COL21A1: variants seen among roughly 807,000 people sequenced by gnomAD.
COL21A1 encodes the protein collagen type XXI alpha 1 chain.
Under a neutral mutation model 137.9 loss-of-function variants are expected in COL21A1, and 149 were observed. That is an observed-to-expected ratio of 1.08 (90% confidence interval 0.95 to 1.24). The LOEUF (loss-of-function observed/expected upper bound fraction) is 1.24. Among genes scored for constraint, COL21A1 ranks in the 50% most tolerant of loss-of-function variants. The pLI, the probability that COL21A1 is intolerant of heterozygous loss-of-function variation, is 0.00. For missense variants in COL21A1, 1,167 were observed against 1,158.4 expected (o/e 1.01, Z -0.11); for synonymous variants, 456 against 391.5 (o/e 1.16, Z -1.95).
intron 3 of COL21A1, 89 bp downstream of exon 3, chr6:56,179,489 C>T (rs1582571898): frequency 1.2e-6 from 1 of 839,288 alleles, no homozygotes; most frequent in Non-Finnish European, 1.8e-6. Context: ...TAACAATTTA[C>T]ACCAGTGTTA....
Position 56,075,544 on chromosome 6 carries a change from A to T in COL21A1, c.1858-12T>A, listed in dbSNP as rs2114121200. The T allele has an allele frequency of 6.8e-7, 1 of 1,475,914 alleles. No individual in the cohort carries two copies. The highest frequency in any genetic ancestry group is 2.5e-5 in the Admixed American group (1 of 40,320). 91.4% of individuals were successfully genotyped at this position (1,475,914 alleles called of 1,614,324 possible). On this transcript the variant is annotated splice_polypyrimidine_tract_variant and intron_variant, in intron 18 of 29. Coordinates refer to ENST00000244728, the MANE Select transcript of COL21A1 (RefSeq NM_030820.4). ...GGCCCAATTTCTCCCTAAAAAAATC[A>T]AACATTAAAAACATTATAAATTGTA...
At chr6:56,155,076 C>T (rs372810051) in intron 10 of COL21A1, among the ~76,000 whole-genome samples, 47 of 152,280 alleles carry the variant, frequency 3.1e-4, no homozygotes, top group African/African-American at 1.1e-3. Context: ...TCCCACCTTC[C>T]ACCTTCCAAT....
intron 17 of COL21A1, among the ~76,000 whole-genome samples, chr6:56,098,914 AC>A (rs1480919342): frequency 6.0e-5 from 9 of 149,608 alleles, no homozygotes; most frequent in Non-Finnish European, 1.3e-4. Flanking sequence ...ACGGGGTTTC[AC>A]CGTGTTAGCC....
intron 10 of COL21A1, among the ~76,000 whole-genome samples, chr6:56,153,881 CTATT>C: frequency 6.6e-6 from 1 of 152,258 alleles, no homozygotes; most frequent in African/African-American, 2.4e-5. Flanking sequence ...CTTCTCTTCT[CTATT>C]TATTTGTATT....
At chr6:56,232,679 G>C (rs1011991454) in intron 1 of COL21A1, among the ~76,000 whole-genome samples, 7 of 151,932 alleles carry the variant, frequency 4.6e-5, no homozygotes, top group Non-Finnish European at 7.4e-5. Context: ...TAGAATTACA[G>C]TATGTCAGAC....
chr6:56,097,393 T>G (rs1252032020), intron 17 of COL21A1, among the ~76,000 whole-genome samples: 1 of 152,098 alleles, frequency 6.6e-6, no homozygotes, highest in Non-Finnish European at 1.5e-5. Context: ...TTGAACTTGG[T>G]AATTTAGTTT....
intron 10 of COL21A1, among the ~76,000 whole-genome samples, chr6:56,148,338 C>CACAGAGAGAGAGAGAGAGAGAGAG (rs1775002377): frequency 5.3e-5 from 7 of 133,280 alleles, no homozygotes; most frequent in African/African-American, 2.0e-4. Flanking sequence ...AGACAAGAGA[C>CACAGAGAGAGAGAGAGAGAGAGAG]AGAGAGAGAG....
At chr6:56,220,618 G>A (rs914515146) in intron 1 of COL21A1, among the ~76,000 whole-genome samples, 16 of 152,178 alleles carry the variant, frequency 1.1e-4, no homozygotes, top group East Asian at 3.9e-4. Context: ...CAAGATGTCC[G>A]CACTGTACTT....
chr6:56,303,913 C>A (rs1764367356), intron 1 of COL21A1, among the ~76,000 whole-genome samples: 1 of 152,246 alleles, frequency 6.6e-6, no homozygotes, highest in East Asian at 1.9e-4. Flanking sequence ...CCCATCAATA[C>A]CTAATTTATT....
At chr6:56,235,170 G>A (rs1484758983) in intron 1 of COL21A1, among the ~76,000 whole-genome samples, 1 of 151,820 alleles carries the variant, frequency 6.6e-6, no homozygotes, top group African/African-American at 2.4e-5. Context: ...CTTGGTATAA[G>A]TAATCTGTAT....
At chr6:56,331,332 T>A (rs549538240) in intron 1 of COL21A1, among the ~76,000 whole-genome samples, 1 of 152,152 alleles carries the variant, frequency 6.6e-6, no homozygotes, top group African/African-American at 2.4e-5. Flanking sequence ...CTTTTTTAGG[T>A]CTTTGTCATA....
chr6:56,330,083 GTTTTCTA>G (rs1324965680), intron 1 of COL21A1, among the ~76,000 whole-genome samples: 5 of 151,902 alleles, frequency 3.3e-5, no homozygotes, highest in African/African-American at 1.2e-4. Flanking sequence ...AGCACACTTG[GTTTTCTA>G]TATTGTGAAA....
intron 1 of COL21A1, among the ~76,000 whole-genome samples, chr6:56,199,683 G>C (rs1394590056): frequency 1.3e-5 from 2 of 152,164 alleles, no homozygotes; most frequent in African/African-American, 2.4e-5. Flanking sequence ...AATGTTGAGA[G>C]AATAAGGCCT....
chr6:56,309,608 T>C (rs1363149464), intron 1 of COL21A1, among the ~76,000 whole-genome samples: 1 of 152,208 alleles, frequency 6.6e-6, no homozygotes, highest in Non-Finnish European at 1.5e-5. Flanking sequence ...GCAGTGACTA[T>C]GAGCCAGGTA....
At chr6:56,191,089 T>C (rs555131279) in intron 1 of COL21A1, among the ~76,000 whole-genome samples, 1 of 152,258 alleles carries the variant, frequency 6.6e-6, no homozygotes, top group African/African-American at 2.4e-5. Flanking sequence ...AACATAGTAT[T>C]GGAACTTCTG....
chr6:56,338,730 G>T (rs1765393524), intron 1 of COL21A1, among the ~76,000 whole-genome samples: 1 of 152,158 alleles, frequency 6.6e-6, no homozygotes, highest in South Asian at 2.1e-4. Context: ...GATTCTCTTG[G>T]AGCCTCTGCT....
At chr6:56,287,210 T>A (rs892319661) in intron 1 of COL21A1, among the ~76,000 whole-genome samples, 5 of 152,198 alleles carry the variant, frequency 3.3e-5, no homozygotes, top group African/African-American at 1.2e-4. Context: ...AAGCAGGATA[T>A]TTTATCATAG....
chr6:56,152,754 C>T (rs1185456868), intron 10 of COL21A1, among the ~76,000 whole-genome samples: 1 of 149,412 alleles, frequency 6.7e-6, no homozygotes, highest in African/African-American at 2.5e-5. Context: ...AAACATTACC[C>T]AGGATTTTTT....
chr6:56,098,864 T>C (rs1199901772), intron 17 of COL21A1, among the ~76,000 whole-genome samples: 13 of 148,062 alleles, frequency 8.8e-5, no homozygotes, highest in Admixed American at 6.3e-4. Flanking sequence ...TACAGGCACG[T>C]GCCACCACGC....
Sources: gnomAD v4.1 joint callset for allele counts (sites outside exome capture counted in the v4.1 genomes callset) on GRCh38, gnomAD v4.1.1 for gene constraint, MANE v1.5 for transcripts, NCBI Gene and HGNC (gene_info 2026-07-23, HGNC 2026-07-21) for gene names.